Variants in PDE7B observed in about 807,000 individuals in gnomAD.
PDE7B encodes 3',5'-cyclic-AMP phosphodiesterase 7B.
Under a neutral mutation model 56.2 loss-of-function variants are expected in PDE7B, and 29 were observed. The observed-to-expected ratio is 0.52, with a 90% CI of 0.38 to 0.70. The LOEUF is 0.70. PDE7B is among the 30% of genes least tolerant of loss of function. The pLI, the probability that PDE7B is intolerant of heterozygous loss-of-function variation, is 0.00. For missense variants in PDE7B, 490 were observed against 565.0 expected, an observed-to-expected ratio of 0.87 and a Z score of 1.35; for synonymous variants, 197 against 196.9, an observed-to-expected ratio of 1.00 and a Z score of 0.00.
chr6:135,942,552 C>T (rs1032502844), intron 1 of PDE7B, among the ~76,000 whole-genome samples: 1 of 152,096 alleles, frequency 6.6e-6, no homozygotes, highest in African/African-American at 2.4e-5. Context: ...ATTGTCATTA[C>T]TATAGTTGCC....
intron 3 of PDE7B, among the ~76,000 whole-genome samples, chr6:136,116,507 G>C (rs1777833589): frequency 6.6e-6 from 1 of 152,212 alleles, no homozygotes; most frequent in Non-Finnish European, 1.5e-5. Flanking sequence ...AGAGATGATA[G>C]TGTAAATCCA....
intron 11 of PDE7B, among the ~76,000 whole-genome samples, chr6:136,186,092 C>T (rs374435934): frequency 6.6e-6 from 1 of 151,550 alleles, no homozygotes. Flanking sequence ...TACATTTGCA[C>T]CAGCCTGATA....
intron 2 of PDE7B, among the ~76,000 whole-genome samples, chr6:135,964,114 A>C: frequency 6.8e-6 from 1 of 146,896 alleles, no homozygotes; most frequent in South Asian, 2.1e-4. Flanking sequence ...TTTTTCTTTT[A>C]TTTTTTTTGA....
intron 2 of PDE7B, among the ~76,000 whole-genome samples, chr6:136,021,644 C>CAA (rs57606305): frequency 1.8e-4 from 23 of 130,344 alleles, no homozygotes; most frequent in East Asian, 6.7e-4. Context: ...AACTCTGTCT[C>CAA]AAAAAAAAAA....
At chr6:135,924,696 A>T in intron 1 of PDE7B, among the ~76,000 whole-genome samples, 1 of 131,562 alleles carries the variant, frequency 7.6e-6, no homozygotes, top group Admixed American at 8.9e-5. Context: ...TTTGAGTGGC[A>T]GAATCTTATG....
At chr6:136,086,005 T>C (rs961208836) in intron 2 of PDE7B, among the ~76,000 whole-genome samples, 1 of 152,242 alleles carries the variant, frequency 6.6e-6, no homozygotes, top group African/African-American at 2.4e-5. Flanking sequence ...TTTTGCTTTA[T>C]TGGCCAAGTT....
intron 12 of PDE7B, among the ~76,000 whole-genome samples, chr6:136,189,757 A>T (rs3799394): frequency 0.069 from 9,892 of 144,350 alleles, 843 homozygotes; most frequent in African/African-American, 0.2. Flanking sequence ...CTCCAGGAGG[A>T]CAACAGCCCA....
At chr6:136,134,776 T>C (rs184221224) in intron 3 of PDE7B, among the ~76,000 whole-genome samples, 1 of 147,340 alleles carries the variant, frequency 6.8e-6, no homozygotes, top group Admixed American at 6.7e-5. Flanking sequence ...AACCAGCAGA[T>C]TTTGCCAAAA....
chr6:135,928,461 ATATT>A (rs1228072489), intron 1 of PDE7B, among the ~76,000 whole-genome samples: 2,519 of 91,002 alleles, frequency 0.028, 128 homozygotes, highest in African/African-American at 0.091. Context: ...ATTTATATAT[ATATT>A]TATTTATATA....
intron 1 of PDE7B, among the ~76,000 whole-genome samples, chr6:135,926,173 G>A (rs1411687542): frequency 3.5e-4 from 49 of 139,510 alleles, no homozygotes; most frequent in African/African-American, 1.2e-3. Context: ...TGCAAGCTCC[G>A]CCTCCTGGGT....
intron 2 of PDE7B, chr6:136,034,959 C>T (rs185992161): frequency 4.2e-4 from 64 of 152,150 alleles, no homozygotes; most frequent in African/African-American, 1.4e-3. Context: ...AGTAGGTGTC[C>T]ATTGTCCATT....
intron 3 of PDE7B, among the ~76,000 whole-genome samples, chr6:136,146,380 T>A (rs948807353): frequency 6.6e-6 from 1 of 152,188 alleles, no homozygotes; most frequent in Non-Finnish European, 1.5e-5. Flanking sequence ...ACAATCACTG[T>A]GATGTCAACA....
intron 2 of PDE7B, among the ~76,000 whole-genome samples, chr6:136,023,572 C>G (rs1288437002): frequency 6.6e-6 from 1 of 152,144 alleles, no homozygotes; most frequent in Non-Finnish European, 1.5e-5. Context: ...CCCTTCTGCC[C>G]TTCGAGCAGA....
At chr6:135,928,441 ATATATATTTATT>A (rs1471421428) in intron 1 of PDE7B, among the ~76,000 whole-genome samples, 2 of 121,412 alleles carry the variant, frequency 1.6e-5, no homozygotes, top group East Asian at 2.2e-4. Flanking sequence ...ATATATATAT[ATATATATTTATT>A]TATATATATA....
chr6:136,123,171 C>G (rs1198936614), intron 3 of PDE7B, among the ~76,000 whole-genome samples: 1 of 151,992 alleles, frequency 6.6e-6, no homozygotes, highest in Non-Finnish European at 1.5e-5. Context: ...GGCAACATAG[C>G]AAGACTCTAT....
intron 2 of PDE7B, among the ~76,000 whole-genome samples, chr6:136,067,595 T>C (rs1037308700): frequency 6.6e-6 from 1 of 152,368 alleles, no homozygotes; most frequent in East Asian, 1.9e-4. Context: ...ATTAAAGTGT[T>C]TGACTTCTTC....
chr6:135,892,590 G>C (rs1029640175), intron 1 of PDE7B, among the ~76,000 whole-genome samples: 2 of 152,146 alleles, frequency 1.3e-5, no homozygotes, highest in African/African-American at 4.8e-5. Flanking sequence ...ATAGTATCGG[G>C]TAATAGGAAT....
intron 8 of PDE7B, among the ~76,000 whole-genome samples, chr6:136,172,906 G>C (rs1778915151): frequency 6.6e-6 from 1 of 152,084 alleles, no homozygotes; most frequent in Admixed American, 6.6e-5. Context: ...ATTCACAATT[G>C]CTTCAAAGAG....
intron 3 of PDE7B, among the ~76,000 whole-genome samples, chr6:136,112,908 A>G (rs1162127788): frequency 6.6e-6 from 1 of 152,116 alleles, no homozygotes; most frequent in Non-Finnish European, 1.5e-5. Context: ...GCATAGTCCT[A>G]GTTTGCACCT....
Sources: allele counts gnomAD v4.1 joint callset (sites outside exome capture counted in the v4.1 genomes callset), GRCh38; gene constraint gnomAD v4.1.1; transcripts MANE v1.5; gene names NCBI Gene and HGNC (gene_info 2026-07-23, HGNC 2026-07-21).